SGK1: variants seen among roughly 807,000 people sequenced by gnomAD.
SGK1 encodes the protein serum/glucocorticoid regulated kinase 1.
Under a neutral mutation model 64.2 loss-of-function variants are expected in SGK1, and 26 were observed. The observed-to-expected ratio is 0.40, with a 90% CI of 0.30 to 0.56. The LOEUF (loss-of-function observed/expected upper bound fraction) is 0.56, where lower values mean the gene tolerates loss of function less well. Ranked by LOEUF, SGK1 falls within the 20% of genes least tolerant of loss-of-function variation. The pLI is 0.38. For missense variants in SGK1, 519 were observed against 645.6 expected (o/e 0.80, Z 2.12); for synonymous variants, 265 against 239.7 (o/e 1.11, Z -0.98).
chr6:134,230,201 T>A (rs1284493646), intron 2 of SGK1, among the ~76,000 whole-genome samples: 2 of 152,028 alleles, frequency 1.3e-5, no homozygotes. Flanking sequence ...AGATCAAAAT[T>A]TAGAGCCGCA....
intron 2 of SGK1, among the ~76,000 whole-genome samples, chr6:134,252,615 T>TAAA (rs1776621796): frequency 1.2e-4 from 1 of 8,492 alleles, no homozygotes. Context: ...AGATTCCACC[T>TAAA]CAAAAAAAAA....
intron 1 of SGK1, among the ~76,000 whole-genome samples, chr6:134,283,410 G>T (rs1014817786): frequency 6.6e-6 from 1 of 152,034 alleles, no homozygotes; most frequent in Non-Finnish European, 1.5e-5. Flanking sequence ...AGAATTGCTT[G>T]AACCCAGAGG....
At chr6:134,237,589 A>G (rs1776384647) in intron 2 of SGK1, among the ~76,000 whole-genome samples, 1 of 152,096 alleles carries the variant, frequency 6.6e-6, no homozygotes, top group African/African-American at 2.4e-5. Flanking sequence ...AGGGAGGAGA[A>G]TCGCTTGAAC....
chr6:134,233,593 T>C (rs1776321832), intron 2 of SGK1, among the ~76,000 whole-genome samples: 2 of 152,220 alleles, frequency 1.3e-5, no homozygotes, highest in South Asian at 2.1e-4. Context: ...TGAACCCTCA[T>C]AGAGGTATTA....
chr6:134,188,175 G>A (rs1192294192), intron 3 of SGK1, among the ~76,000 whole-genome samples: 4 of 152,088 alleles, frequency 2.6e-5, no homozygotes, highest in African/African-American at 9.7e-5. Context: ...CCTCTACTGA[G>A]GTCACCCTTT....
At chr6:134,262,904 T>A (rs1429832206) in intron 1 of SGK1, among the ~76,000 whole-genome samples, 9 of 149,688 alleles carry the variant, frequency 6.0e-5, no homozygotes, top group Non-Finnish European at 4.5e-5. Context: ...TTTTTTTTTT[T>A]AAAGAAAAAG....
chr6:134,249,429 G>C (rs1288434595), intron 2 of SGK1: 2 of 152,154 alleles, frequency 1.3e-5, no homozygotes, highest in Non-Finnish European at 2.9e-5. Flanking sequence ...CCATCTGTCT[G>C]GGCTTCTCTT....
intron 1 of SGK1, among the ~76,000 whole-genome samples, chr6:134,289,260 G>A (rs79792150): frequency 0.061 from 9,325 of 152,276 alleles, 407 homozygotes; most frequent in Non-Finnish European, 0.089. Flanking sequence ...AGGAGGTAGT[G>A]TACTAAAATT....
Position 134,253,167 on chromosome 6 carries a change from T to C in SGK1, c.285+8766A>G, listed in dbSNP as rs560938952. Among the ~76,000 whole-genome samples, 6 of 152,330 alleles carry C rather than the reference T, an allele frequency of 3.9e-5. No individual in the cohort carries two copies. The South Asian group carries it at 1.2e-3, about 32-fold the overall frequency. On this transcript the variant is annotated intron_variant, in intron 2 of 13. Coordinates refer to ENST00000367858, the MANE Select transcript of SGK1 (RefSeq NM_001143676.3). Reference sequence around the variant, plus strand: ...AGCCTAACAGATGGAGTAAGACATTTGAAATGCTGAACAAGAGACATGGGT... The same window carrying C: ...AGCCTAACAGATGGAGTAAGACATTCGAAATGCTGAACAAGAGACATGGGT...
At position 134,264,699 on chromosome 6, in the gene SGK1, T is replaced by G. The variant is rs112652486; in HGVS notation, c.70-2551A>C. Among the ~76,000 whole-genome samples, 1,441 of 152,078 alleles carry G rather than the reference T, an allele frequency of 9.5e-3. 24 individuals are homozygous for G. The highest frequency in any genetic ancestry group is 0.033 in the African/African-American group (1,363 of 41,468). ...GTTTTGTTCCCCAGATTGGAGTGCA[T>G]TGGCACGATGACAGCTCACTGCAGC... On this transcript the variant is annotated intron_variant, in intron 1 of 13. Transcript: ENST00000367858.
chr6:134,310,429 C>A (rs1381534091), intron 1 of SGK1, among the ~76,000 whole-genome samples: 1 of 152,212 alleles, frequency 6.6e-6, no homozygotes, highest in African/African-American at 2.4e-5. Context: ...CTCATCCAAA[C>A]TCTCTAAGAC....
chr6:134,232,587 A>T (rs1188078464), intron 2 of SGK1, among the ~76,000 whole-genome samples: 6 of 152,068 alleles, frequency 3.9e-5, no homozygotes, highest in African/African-American at 1.4e-4. Context: ...GCGGTGGCTG[A>T]CACCTGTAAT....
At chr6:134,175,998 CT>C (rs1171178092) in intron 3 of SGK1, 270 of 969,514 alleles carry the variant, frequency 2.8e-4, no homozygotes, top group Middle Eastern at 4.8e-4. Flanking sequence ...CTGCATTTCA[CT>C]TTTTTTTTTC....
intron 1 of SGK1, among the ~76,000 whole-genome samples, chr6:134,281,330 C>G (rs2114770155): frequency 6.6e-6 from 1 of 152,240 alleles, no homozygotes; most frequent in East Asian, 1.9e-4. Context: ...ATCTCTAAAT[C>G]TATTTTCTCA....
chr6:134,206,367 ATATATATATATATATAT>A (rs1241209716), intron 3 of SGK1, among the ~76,000 whole-genome samples: 8 of 8,254 alleles, frequency 9.7e-4, no homozygotes, highest in African/African-American at 1.5e-3. Context: ...ATATATATAT[ATATATATATATATATAT>A]TTTTTTTTTT....
chr6:134,171,573 G>A, intron 11 of SGK1, 64 bp downstream of exon 11: 1 of 1,155,354 alleles, frequency 8.7e-7, no homozygotes, highest in East Asian at 2.4e-5. Context: ...GCCAAGCATG[G>A]GCTGTGTGAA....
At chr6:134,190,284 TTCC>T in intron 3 of SGK1, among the ~76,000 whole-genome samples, 1 of 148,682 alleles carries the variant, frequency 6.7e-6, no homozygotes, top group Non-Finnish European at 1.5e-5. Flanking sequence ...CCTTCCTTCC[TTCC>T]TTTTTTTTTT....
rs749535259 is a variant in SGK1 at position 134,173,340 on chromosome 6, G to C, written c.636C>G (p.His212Gln). Residue 212 changes from histidine to glutamine, a missense_variant, in exon 7 of 14, where the codon CAC becomes CAG. Coordinates refer to ENST00000367858, the MANE Select transcript of SGK1 (RefSeq NM_001143676.3). ...CTGCATAGAACACTTCTTCTGCCTT[G>C]TGTCTTGCTAGAAGAACCTGAAATT... ...GSFGKVLLARHKAEEVFYAVK... is the reference protein window; with the variant it reads ...GSFGKVLLARQKAEEVFYAVK... The C allele has an allele frequency of 4.3e-6, 7 of 1,612,944 alleles. No homozygotes were observed. Among genetic ancestry groups the C allele is most frequent in the Non-Finnish European group, 5.9e-6 (7 of 1,179,192 alleles).
intron 2 of SGK1, among the ~76,000 whole-genome samples, chr6:134,208,896 G>GTATATATATATA (rs35364662): frequency 4.1e-5 from 6 of 147,366 alleles, no homozygotes; most frequent in Non-Finnish European, 7.4e-5. Flanking sequence ...GTATGTGTGT[G>GTATATATATATA]TATATATATA....
Sources: gnomAD v4.1 joint callset for allele counts (sites outside exome capture counted in the v4.1 genomes callset) on GRCh38, gnomAD v4.1.1 for gene constraint, MANE v1.5 for transcripts, NCBI Gene and HGNC (gene_info 2026-07-23, HGNC 2026-07-21) for gene names.